PLEKHG1: variants seen among roughly 807,000 people sequenced by gnomAD.
PLEKHG1 encodes pleckstrin homology domain-containing family G member 1.
Under a neutral mutation model 100.8 loss-of-function variants are expected in PLEKHG1, and 44 were observed. The ratio of observed to expected loss-of-function variants is 0.44; its 90% CI spans 0.34 to 0.56. The LOEUF (loss-of-function observed/expected upper bound fraction) is 0.56, where lower values mean the gene tolerates loss of function less well. Among genes scored for constraint, PLEKHG1 ranks in the 20% least tolerant of loss-of-function variants. The probability of loss-of-function intolerance (pLI) is 0.01; values close to 1 mark genes in which losing one functional copy is unlikely to be tolerated. For missense variants in PLEKHG1, 1,545 were observed against 1,720.9 expected (o/e 0.90, Z 1.81); for synonymous variants, 640 against 662.5 (o/e 0.97, Z 0.52).
At chr6:150,689,450 TA>T (rs1231321974) in intron 3 of PLEKHG1, among the ~76,000 whole-genome samples, 1 of 152,210 alleles carries the variant, frequency 6.6e-6, no homozygotes, top group Non-Finnish European at 1.5e-5. Context: ...TAATCTTTGT[TA>T]AAAAAATCTT....
chr6:150,838,481 T>C (rs757994241), intron 15 of PLEKHG1, among the ~76,000 whole-genome samples: 8 of 152,242 alleles, frequency 5.3e-5, no homozygotes, highest in Admixed American at 1.3e-4. Flanking sequence ...CAATTATTCT[T>C]CCTCCAATGT....
chr6:150,625,875 T>C (rs1434649477), intron 1 of PLEKHG1: 2 of 151,988 alleles, frequency 1.3e-5, no homozygotes, highest in African/African-American at 2.4e-5. Context: ...ACATATGAAT[T>C]TGGGGGAGGC....
chr6:150,647,124 T>C (rs941005060), intron 2 of PLEKHG1, among the ~76,000 whole-genome samples: 1 of 152,230 alleles, frequency 6.6e-6, no homozygotes, highest in Non-Finnish European at 1.5e-5. Flanking sequence ...TTTGGGTCTT[T>C]GTGTAGTCAG....
chr6:150,643,086 A>T (rs1778337820), intron 2 of PLEKHG1, among the ~76,000 whole-genome samples: 3 of 152,210 alleles, frequency 2.0e-5, no homozygotes. Context: ...TGAAAAACAG[A>T]GAGACATACC....
At chr6:150,648,795 T>C (rs1256907775) in intron 2 of PLEKHG1, among the ~76,000 whole-genome samples, 1 of 152,184 alleles carries the variant, frequency 6.6e-6, no homozygotes, top group African/African-American at 2.4e-5. Flanking sequence ...CCTTTATATT[T>C]TTGGTTCAGT....
At chr6:150,642,950 A>G (rs887440048) in intron 2 of PLEKHG1, among the ~76,000 whole-genome samples, 5 of 150,220 alleles carry the variant, frequency 3.3e-5, no homozygotes, top group African/African-American at 5.0e-5. Context: ...TTGAAGAAAC[A>G]TTCCCTACTT....
chr6:150,709,857 C>T (rs992369696), intron 3 of PLEKHG1, among the ~76,000 whole-genome samples: 10 of 152,166 alleles, frequency 6.6e-5, no homozygotes, highest in Admixed American at 3.3e-4. Flanking sequence ...TACAACACAG[C>T]TCACTGCAGC....
intron 3 of PLEKHG1, among the ~76,000 whole-genome samples, chr6:150,674,682 T>TCTC (rs1455673564): frequency 1.7e-4 from 18 of 104,300 alleles, no homozygotes; most frequent in African/African-American, 4.2e-4. Context: ...TCTCTCTCTC[T>TCTC]CCCCCCTCTT....
chr6:150,749,759 A>G (rs775118870), intron 2 of PLEKHG1, among the ~76,000 whole-genome samples: 6 of 152,200 alleles, frequency 3.9e-5, no homozygotes, highest in Non-Finnish European at 7.3e-5. Context: ...AGAATGTTCA[A>G]GGACTACTTT....
intron 2 of PLEKHG1, among the ~76,000 whole-genome samples, chr6:150,745,220 T>C (rs942331686): frequency 2.0e-5 from 3 of 152,198 alleles, no homozygotes; most frequent in Non-Finnish European, 4.4e-5. Flanking sequence ...TACTGAATAA[T>C]GTAGGCAACT....
At chr6:150,777,356 A>G (rs1225578641) in intron 3 of PLEKHG1, among the ~76,000 whole-genome samples, 1 of 148,654 alleles carries the variant, frequency 6.7e-6, no homozygotes, top group South Asian at 2.2e-4. Flanking sequence ...CCTGGTGCAC[A>G]TGTGCGGTTG....
intron 2 of PLEKHG1, among the ~76,000 whole-genome samples, chr6:150,748,090 C>G (rs1783264615): frequency 6.6e-6 from 1 of 152,192 alleles, no homozygotes; most frequent in Admixed American, 6.5e-5. Context: ...CTTTCTGTCA[C>G]TAGGACTTTG....
chr6:150,823,441 C>T (rs1476862801), intron 13 of PLEKHG1, among the ~76,000 whole-genome samples: 3 of 152,156 alleles, frequency 2.0e-5, no homozygotes, highest in African/African-American at 7.2e-5. Context: ...ACAACTAGTG[C>T]TCAGATGCAT....
chr6:150,772,694 A>T (rs1784768891), intron 3 of PLEKHG1, among the ~76,000 whole-genome samples: 1 of 152,218 alleles, frequency 6.6e-6, no homozygotes, highest in Non-Finnish European at 1.5e-5. Flanking sequence ...TTTTCACTCA[A>T]CATTGTTTTT....
At chr6:150,806,935 C>T (rs1271919666) in intron 7 of PLEKHG1, among the ~76,000 whole-genome samples, 1 of 152,152 alleles carries the variant, frequency 6.6e-6, no homozygotes, top group South Asian at 2.1e-4. Flanking sequence ...TCTCACACTG[C>T]CTTTCTCCCT....
In PLEKHG1 at chr6:150,627,398, G is replaced by A. The variant is rs148308463; in HGVS notation, c.-203-10682G>A. ...TTGAAAATTTTTCTTCAAAAATAAGGTTATCAGGGTTTCTTCCACTCAGAA... is the reference window on the plus strand; with the variant it reads ...TTGAAAATTTTTCTTCAAAAATAAGATTATCAGGGTTTCTTCCACTCAGAA... On this transcript the variant is annotated intron_variant, in intron 1 of 3. Coordinates refer to the PLEKHG1 transcript ENST00000367326. Among the ~76,000 whole-genome samples, 356 of 152,058 alleles carry A rather than the reference G, an allele frequency of 2.3e-3. 2 individuals are homozygous for A. The highest frequency in any genetic ancestry group is 8.4e-3 in the African/African-American group (347 of 41,462).
At chr6:150,732,030 C>T (rs1430678661) in intron 1 of PLEKHG1, among the ~76,000 whole-genome samples, 2 of 147,782 alleles carry the variant, frequency 1.4e-5, no homozygotes, top group South Asian at 2.1e-4. Flanking sequence ...GGCGCGATCT[C>T]GGCTCACTGC....
At chr6:150,787,673 A>G (rs2128653498) in intron 4 of PLEKHG1, among the ~76,000 whole-genome samples, 1 of 152,336 alleles carries the variant, frequency 6.6e-6, no homozygotes, top group East Asian at 1.9e-4. Context: ...ACTGTTCCAC[A>G]GGGTCATTTC....
chr6:150,768,501 A>G, intron 2 of PLEKHG1, 137 bp from the exon 4 acceptor site: 1 of 629,616 alleles, frequency 1.6e-6, no homozygotes, highest in Non-Finnish European at 2.9e-6. Context: ...TAAGAGAGCA[A>G]CTGTGTACTC....
Sources: allele counts gnomAD v4.1 joint callset (sites outside exome capture counted in the v4.1 genomes callset), GRCh38; gene constraint gnomAD v4.1.1; transcripts MANE v1.5; gene names NCBI Gene and HGNC (gene_info 2026-07-23, HGNC 2026-07-21).